Variants in XCR1 observed in about 807,000 individuals in gnomAD.
XCR1 encodes chemokine XC receptor 1.
For missense variants in XCR1, 356 were observed against 424.2 expected, an observed-to-expected ratio of 0.84 and a Z score of 1.41; for synonymous variants, 187 against 188.5, an observed-to-expected ratio of 0.99 and a Z score of 0.06.
rs1439079378 is a variant in XCR1 at position 46,027,399 on chromosome 3, G to A, written c.-32+18C>T. 1 of 145,772 alleles carries A rather than the reference G, an allele frequency of 6.9e-6. No individual in the cohort carries two copies. The highest frequency in any genetic ancestry group is 2.6e-5 in the African/African-American group (1 of 39,084). The allele number at this position is 145,772 out of a possible 1,614,324, so 9.0% of individuals were successfully genotyped here. A position where few individuals can be genotyped will look rare whatever the true frequency, so the allele number is the denominator to read the frequency against. On this transcript the variant is annotated intron_variant, in intron 1 of 1. Coordinates refer to ENST00000309285, the MANE Select transcript of XCR1 (RefSeq NM_001024644.2). ...TTAGAGGAAAACATAAGTTTAAAAT[G>A]TTTGTAAAGGAACTCACCTGAATCT...
At chr3:46,022,029 T>A (rs1708167401) in intron 1 of XCR1, 51 bp from the exon 2 acceptor site, 1 of 1,476,110 alleles carries the variant, frequency 6.8e-7, no homozygotes, top group Non-Finnish European at 9.2e-7. Context: ...CTGGGTACAG[T>A]GGCTAACACC....
At chr3:46,023,334 G>T in intron 1 of XCR1, 1 of 1,245,104 alleles carries the variant, frequency 8.0e-7, no homozygotes. Context: ...TGGCTCATCA[G>T]CAGAGCAGAC....
chr3:46,032,647 C>A (rs1396945634), intron 5 of XCR1, among the ~76,000 whole-genome samples: 1 of 152,178 alleles, frequency 6.6e-6, no homozygotes, highest in Admixed American at 6.5e-5. Flanking sequence ...AAAAGAGACC[C>A]CCCAAAGATC....
chr3:46,041,396 G>T (rs112222006), intron 5 of XCR1, among the ~76,000 whole-genome samples: 4 of 152,154 alleles, frequency 2.6e-5, no homozygotes, highest in African/African-American at 4.8e-5. Context: ...CTGGTAAATT[G>T]GTCCTGCTAT....
chr3:46,037,617 A>C (rs1697454455), intron 5 of XCR1, among the ~76,000 whole-genome samples: 1 of 152,208 alleles, frequency 6.6e-6, no homozygotes, highest in Non-Finnish European at 1.5e-5. Flanking sequence ...TTATGCACAC[A>C]CAGAGAAAAT....
intron 4 of XCR1, among the ~76,000 whole-genome samples, chr3:46,065,331 G>T (rs1698048025): frequency 6.6e-6 from 1 of 152,112 alleles, no homozygotes; most frequent in African/African-American, 2.4e-5. Context: ...TCCCCTTAGG[G>T]ACTGTTACCT....
chr3:46,024,214 CAAAAAAA>C (rs35174940), intron 1 of XCR1: 12 of 198,166 alleles, frequency 6.1e-5, no homozygotes, highest in Middle Eastern at 1.3e-3. Flanking sequence ...GTTAATCCAG[CAAAAAAA>C]AAAAAAAAAA....
chr3:46,073,184 GA>G (rs1161039175), intron 3 of XCR1, among the ~76,000 whole-genome samples: 5 of 152,014 alleles, frequency 3.3e-5, no homozygotes, highest in Admixed American at 6.5e-5. Flanking sequence ...GAAAACCTAG[GA>G]AAAACGAGAC....
chr3:46,035,252 C>T (rs1324354752), intron 5 of XCR1, among the ~76,000 whole-genome samples: 6 of 152,002 alleles, frequency 3.9e-5, no homozygotes, highest in Non-Finnish European at 8.8e-5. Context: ...CATGCCTGGC[C>T]CCATAGTTCC....
chr3:46,029,701 G>A (rs1242056485), upstream of XCR1, among the ~76,000 whole-genome samples: 2 of 152,202 alleles, frequency 1.3e-5, no homozygotes, highest in Admixed American at 1.3e-4. Context: ...ACACTATCAA[G>A]AAATTTTAAA....
chr3:46,034,118 G>A (rs1474114877), intron 5 of XCR1, among the ~76,000 whole-genome samples: 1 of 152,078 alleles, frequency 6.6e-6, no homozygotes, highest in Non-Finnish European at 1.5e-5. Context: ...GATTACAGGT[G>A]CCTGCCCTCA....
At chr3:46,042,979 A>T (rs1318877629) in intron 5 of XCR1, among the ~76,000 whole-genome samples, 1 of 152,220 alleles carries the variant, frequency 6.6e-6, no homozygotes, top group African/African-American at 2.4e-5. Context: ...ACTTGGATTA[A>T]GAGAGATTTA....
intron 5 of XCR1, among the ~76,000 whole-genome samples, chr3:46,049,631 C>T (rs568577658): frequency 1.3e-5 from 2 of 152,218 alleles, no homozygotes; most frequent in East Asian, 3.9e-4. Flanking sequence ...ACCTGAATGA[C>T]TGCAATTAGC....
At chr3:46,024,515 T>G in intron 1 of XCR1, among the ~76,000 whole-genome samples, 1 of 152,324 alleles carries the variant, frequency 6.6e-6, no homozygotes, top group East Asian at 1.9e-4. Flanking sequence ...AAATATGTTA[T>G]GTGTAATTAA....
intron 4 of XCR1, among the ~76,000 whole-genome samples, chr3:46,055,086 T>C (rs779917688): frequency 6.6e-5 from 10 of 152,316 alleles, no homozygotes; most frequent in Non-Finnish European, 1.2e-4. Context: ...CAGGAAGAAG[T>C]AGACAGAGTG....
chr3:46,019,280 A>G lies in XCR1; in HGVS notation c.*1666T>C, dbSNP rs1708099201. The G allele has an allele frequency of 6.6e-6, 1 of 152,244 alleles. No homozygotes were observed. The highest frequency in any genetic ancestry group is 1.5e-5 in the Non-Finnish European group (1 of 68,048). The allele number at this position is 152,244 out of a possible 1,614,324, so 9.4% of individuals were successfully genotyped here. A position where few individuals can be genotyped will look rare whatever the true frequency, so the allele number is the denominator to read the frequency against. On this transcript the variant is annotated 3_prime_UTR_variant, in exon 2 of 2. Coordinates refer to ENST00000309285, the MANE Select transcript of XCR1 (RefSeq NM_001024644.2). ...GTGTGCCCCAGGGCATGGCTCCCCA[A>G]GAAGCATAAATCTGAAGGATAATAA...
At chr3:46,033,761 C>T (rs1336762909) in intron 5 of XCR1, among the ~76,000 whole-genome samples, 2 of 152,116 alleles carry the variant, frequency 1.3e-5, no homozygotes, top group Admixed American at 1.3e-4. Flanking sequence ...TAAGAATTGC[C>T]ATCTTGACAA....
chr3:46,067,815 T>A (rs1003917071), intron 3 of XCR1, among the ~76,000 whole-genome samples: 1 of 152,088 alleles, frequency 6.6e-6, no homozygotes, highest in African/African-American at 2.4e-5. Context: ...AAAGAGGACA[T>A]GCTGTGGAGG....
intron 5 of XCR1, among the ~76,000 whole-genome samples, chr3:46,048,578 T>C (rs1697678161): frequency 6.6e-6 from 1 of 152,182 alleles, no homozygotes; most frequent in African/African-American, 2.4e-5. Context: ...TCTCCCATTA[T>C]GTGGTCGCAT....
Sources: gnomAD v4.1 joint callset for allele counts (sites outside exome capture counted in the v4.1 genomes callset) on GRCh38, gnomAD v4.1.1 for gene constraint, MANE v1.5 for transcripts, NCBI Gene and HGNC (gene_info 2026-07-23, HGNC 2026-07-21) for gene names.